Variants in SLC17A5 observed in about 807,000 individuals in gnomAD.
The protein encoded by SLC17A5 is solute carrier family 17 member 5.
In SLC17A5, 47 loss-of-function variants were observed where a neutral mutation model predicts 59.4. The ratio of observed to expected loss-of-function variants is 0.79; its 90% CI spans 0.63 to 1.01. The LOEUF (loss-of-function observed/expected upper bound fraction) is 1.01. SLC17A5 is among the 50% of genes least tolerant of loss of function. The pLI, the probability that SLC17A5 is intolerant of heterozygous loss-of-function variation, is 0.00. For synonymous variants in SLC17A5, 202 were observed against 210.7 expected (o/e 0.96, Z 0.36); for missense variants, 522 against 595.5 (o/e 0.88, Z 1.28).
chr6:73,604,813 A>G (rs186870975), intron 9 of SLC17A5, among the ~76,000 whole-genome samples: 1 of 152,308 alleles, frequency 6.6e-6, no homozygotes, highest in East Asian at 1.9e-4. Context: ...GTAAAGGCCT[A>G]TAAAATCCAA....
chr6:73,640,753 C>T (rs1459178894), intron 3 of SLC17A5, among the ~76,000 whole-genome samples: 1 of 150,506 alleles, frequency 6.6e-6, no homozygotes, highest in East Asian at 1.9e-4. Context: ...TGATGAAATA[C>T]AAAAGAAAAG....
Position 73,638,491 on chromosome 6 carries a change from TG to T in SLC17A5, c.533del (p.Thr178AsnfsTer34), listed in dbSNP as rs727504156. ...RALEGLGEGV[T>X]FPAMHAMWSS... ...ACCACATGGCATGCATGGCTGGAAA[TG>T]TAACACCCTGAGAGAAGGGAACATG... On this transcript the variant is annotated frameshift_variant, in exon 4 of 11. Coordinates refer to ENST00000355773, the MANE Select transcript of SLC17A5 (RefSeq NM_012434.5). LOFTEE classifies it high-confidence loss of function. 5.8e-5 allele frequency: 94 copies of T among 1,612,752 alleles called. No homozygotes were observed. Among genetic ancestry groups the T allele is most frequent in the Non-Finnish European group, 7.9e-5 (93 of 1,178,886 alleles).
chr6:73,639,088 AT>A (rs1206328993), intron 3 of SLC17A5, among the ~76,000 whole-genome samples: 1 of 152,238 alleles, frequency 6.6e-6, no homozygotes, highest in Non-Finnish European at 1.5e-5. Context: ...AAAAGGATGA[AT>A]TCAATTAGCA....
chr6:73,635,990 C>T (rs997220761), intron 5 of SLC17A5, among the ~76,000 whole-genome samples: 1 of 152,004 alleles, frequency 6.6e-6, no homozygotes, highest in African/African-American at 2.4e-5. Context: ...CCACCCGCCT[C>T]GGCCTCCCAA....
intron 9 of SLC17A5, among the ~76,000 whole-genome samples, chr6:73,601,179 G>A (rs1477495434): frequency 3.4e-5 from 5 of 147,052 alleles, no homozygotes; most frequent in Admixed American, 6.8e-5. Flanking sequence ...GATGTGGGGA[G>A]CGCCTCTGCC....
intron 10 of SLC17A5, among the ~76,000 whole-genome samples, chr6:73,599,048 G>A (rs1766944507): frequency 6.6e-6 from 1 of 151,898 alleles, no homozygotes; most frequent in Non-Finnish European, 1.5e-5. Context: ...AGGGCATGGT[G>A]GTGAGTGCCT....
intron 9 of SLC17A5, among the ~76,000 whole-genome samples, chr6:73,605,612 C>T (rs1767354632): frequency 6.8e-6 from 1 of 147,098 alleles, no homozygotes; most frequent in Non-Finnish European, 1.5e-5. Context: ...ATCCTTTGAG[C>T]TAGAACTGCA....
chr6:73,646,577 G>A (rs146390234), intron 1 of SLC17A5, among the ~76,000 whole-genome samples: 39 of 152,200 alleles, frequency 2.6e-4, no homozygotes, highest in Non-Finnish European at 1.0e-4. Flanking sequence ...GAATCTAGGC[G>A]AATTTGCTTT....
At chr6:73,640,984 A>G (rs978868641) in intron 3 of SLC17A5, among the ~76,000 whole-genome samples, 1 of 152,220 alleles carries the variant, frequency 6.6e-6, no homozygotes, top group Admixed American at 6.5e-5. Flanking sequence ...ATGCAACTCA[A>G]CAGTCTATTG....
chr6:73,596,533 C>T (rs1485978801), intron 10 of SLC17A5, among the ~76,000 whole-genome samples: 1 of 152,154 alleles, frequency 6.6e-6, no homozygotes, highest in Admixed American at 6.6e-5. Context: ...TCAGTCTAAC[C>T]AGAGTGGTGA....
intron 9 of SLC17A5, among the ~76,000 whole-genome samples, chr6:73,608,907 C>A (rs1007183682): frequency 6.6e-6 from 1 of 152,138 alleles, no homozygotes; most frequent in Non-Finnish European, 1.5e-5. Context: ...GCAGTCCCAG[C>A]GACTCAGGAG....
At chr6:73,601,720 C>G (rs1767117069) in intron 9 of SLC17A5, among the ~76,000 whole-genome samples, 1 of 120,260 alleles carries the variant, frequency 8.3e-6, no homozygotes, top group South Asian at 2.6e-4. Context: ...GCCAGCCGCC[C>G]CGTCCGGGAG....
chr6:73,615,853 CA>C (rs1767829480), intron 7 of SLC17A5, among the ~76,000 whole-genome samples: 1 of 117,680 alleles, frequency 8.5e-6, no homozygotes, highest in Non-Finnish European at 1.7e-5. Context: ...TGCAGAAAAC[CA>C]CATAAACATA....
intron 4 of SLC17A5, among the ~76,000 whole-genome samples, chr6:73,637,272 G>C (rs1230004345): frequency 6.6e-6 from 1 of 152,178 alleles, no homozygotes; most frequent in Admixed American, 6.6e-5. Context: ...CAGTTACTGA[G>C]TACCTACTCC....
At chr6:73,642,899 C>A (rs1769353472) in intron 2 of SLC17A5, among the ~76,000 whole-genome samples, 1 of 152,150 alleles carries the variant, frequency 6.6e-6, no homozygotes, top group Non-Finnish European at 1.5e-5. Flanking sequence ...TCTAGGATTT[C>A]ATGTACATTC....
At chr6:73,626,664 C>T (rs367548027) in intron 6 of SLC17A5, among the ~76,000 whole-genome samples, 7 of 152,258 alleles carry the variant, frequency 4.6e-5, no homozygotes, top group Admixed American at 3.9e-4. Context: ...CACAGGGTAA[C>T]CAGTAGTTAC....
chr6:73,600,852 TTA>T (rs1224673345), intron 9 of SLC17A5, among the ~76,000 whole-genome samples: 1 of 152,204 alleles, frequency 6.6e-6, no homozygotes, highest in East Asian at 1.9e-4. Flanking sequence ...TTGTGAAATT[TTA>T]TGTCTAAATA....
chr6:73,621,918 G>A lies in SLC17A5; in HGVS notation c.864C>T (p.Ser288=), dbSNP rs1392111099. Reference sequence around the variant, plus strand: ...CAACTACGATAGCCCAAAGTGGCAGGGATTTTAAAATGGGTACCCACGGCA... The same window carrying A: ...CAACTACGATAGCCCAAAGTGGCAGAGATTTTAAAATGGGTACCCACGGCA... ...KSVPWVPILK[S]LPLWAIVVAH... is the part of the protein sequence containing the mutation. Residue 288 remains serine, a synonymous_variant, in exon 7 of 11, where the codon TCC becomes TCT. Coordinates refer to ENST00000355773, the MANE Select transcript of SLC17A5 (RefSeq NM_012434.5). 4 of 1,613,856 alleles carry A rather than the reference G, an allele frequency of 2.5e-6. No homozygotes were observed. In the African/African-American group the frequency reaches 5.3e-5, roughly 22 times the overall value.
chr6:73,651,287 T>C (rs1769846982), intron 1 of SLC17A5, among the ~76,000 whole-genome samples: 2 of 151,096 alleles, frequency 1.3e-5, no homozygotes, highest in African/African-American at 2.4e-5. Flanking sequence ...ATGGTGAAAC[T>C]CCGTCTCTAC....
Sources: allele counts gnomAD v4.1 joint callset (sites outside exome capture counted in the v4.1 genomes callset), GRCh38; gene constraint gnomAD v4.1.1; transcripts MANE v1.5; gene names NCBI Gene and HGNC (gene_info 2026-07-23, HGNC 2026-07-21).